ZC4H2: variants seen among roughly 807,000 people sequenced by gnomAD.
The protein encoded by ZC4H2 is zinc finger C4H2-type containing, also known as zinc finger C4H2 domain-containing protein.
For synonymous variants in ZC4H2, 84 were observed against 66.3 expected (o/e 1.27, Z -1.30); for missense variants, 137 against 173.9 (o/e 0.79, Z 1.19).
intron 1 of ZC4H2, among the ~76,000 whole-genome samples, chrX:65,026,432 C>T (rs748002628): frequency 2.0e-4 from 22 of 111,520 alleles, no homozygotes; most frequent in Non-Finnish European, 3.2e-4. Flanking sequence ...ATTTAGCGGC[C>T]GGGTGCGGTG....
intron 1 of ZC4H2, among the ~76,000 whole-genome samples, chrX:64,928,632 C>CCTT (rs753426558): frequency 0.15 from 12,108 of 83,164 alleles, 850 homozygotes; most frequent in East Asian, 0.16. Context: ...CCTGCTTTCT[C>CCTT]CTTCTTCTTC....
In ZC4H2 at chrX:64,919,003, T is replaced by C. The variant is rs765483073; in HGVS notation, c.561+39A>G. Reference sequence around the variant, plus strand: ...CTTCCACGGCCCTTCCATGGGAGGATACTTTGCTTCCTCCACAACCATTAC... The same window carrying C: ...CTTCCACGGCCCTTCCATGGGAGGACACTTTGCTTCCTCCACAACCATTAC... On this transcript the variant is annotated intron_variant, in intron 4 of 4. Coordinates refer to ENST00000374839, the MANE Select transcript of ZC4H2 (RefSeq NM_018684.4). 5 of 1,130,577 alleles carry C rather than the reference T, an allele frequency of 4.4e-6. No individual in the cohort carries two copies. The South Asian group carries it at 1.1e-4, about 25-fold the overall frequency. 93.2% of individuals were successfully genotyped at this position (1,130,577 alleles called of 1,213,427 possible). A position where few individuals can be genotyped will look rare whatever the true frequency, so the allele number is the denominator to read the frequency against.
intron 1 of ZC4H2, among the ~76,000 whole-genome samples, chrX:64,954,538 T>G (rs1337192786): frequency 1.9e-5 from 2 of 104,295 alleles, no homozygotes; most frequent in Non-Finnish European, 3.9e-5. Context: ...TTAACTATAA[T>G]CCTTTGAAGT....
intron 1 of ZC4H2, among the ~76,000 whole-genome samples, chrX:64,934,527 A>C: frequency 8.9e-6 from 1 of 112,037 alleles, no homozygotes; most frequent in Non-Finnish European, 1.9e-5. Flanking sequence ...CTGATATCAG[A>C]AAATTTGTGT....
intron 1 of ZC4H2, among the ~76,000 whole-genome samples, chrX:64,927,173 G>A (rs1419651025): frequency 1.8e-5 from 2 of 110,195 alleles, no homozygotes; most frequent in Non-Finnish European, 3.8e-5. Flanking sequence ...TGGGACACAT[G>A]TGCAGAACAT....
chrX:64,992,845 G>T (rs1295142491), intron 1 of ZC4H2, among the ~76,000 whole-genome samples: 2 of 111,687 alleles, frequency 1.8e-5, no homozygotes, highest in African/African-American at 6.5e-5. Flanking sequence ...CCTCCTGGAT[G>T]CAGACTGTGT....
chrX:64,917,735 C>A lies in ZC4H2; in HGVS notation c.*48G>T. The stretch of plus-strand genomic sequence containing the variant: ...ACATCAGGACATCAATGACTCTGGT[C>A]AAGGTGAGGGGTTATAATTAGCAAA... On this transcript the variant is annotated 3_prime_UTR_variant, in exon 5 of 5. Transcript: ENST00000374839. The A allele has an allele frequency of 8.4e-7, 1 of 1,186,584 alleles. No individual in the cohort carries two copies. The highest frequency in any genetic ancestry group is 1.9e-5 in the South Asian group (1 of 53,765).
chrX:65,034,046 G>A (rs976123089), intron 1 of ZC4H2, among the ~76,000 whole-genome samples: 2 of 101,848 alleles, frequency 2.0e-5, no homozygotes, highest in African/African-American at 3.7e-5. Context: ...CTGAGATGGC[G>A]CCACTGCACT....
At chrX:64,947,937 T>C (rs1930616822) in intron 1 of ZC4H2, among the ~76,000 whole-genome samples, 1 of 111,042 alleles carries the variant, frequency 9.0e-6, no homozygotes, top group Admixed American at 9.7e-5. Context: ...GTCTGATTCA[T>C]GAATTGTTCA....
chrX:64,979,674 GC>G (rs1258156850), upstream of ZC4H2, among the ~76,000 whole-genome samples: 3 of 111,958 alleles, frequency 2.7e-5, no homozygotes, highest in African/African-American at 9.7e-5. Flanking sequence ...CAAGGTGGTG[GC>G]TTTTCCATAG....
chrX:64,924,054 T>A (rs1929322992), intron 1 of ZC4H2, among the ~76,000 whole-genome samples: 1 of 112,034 alleles, frequency 8.9e-6, no homozygotes, highest in Admixed American at 9.5e-5. Flanking sequence ...TACGTGAAGA[T>A]AAACCTGAAC....
chrX:64,964,555 T>C (rs1171058295), intron 1 of ZC4H2, among the ~76,000 whole-genome samples: 1 of 111,549 alleles, frequency 9.0e-6, no homozygotes, highest in African/African-American at 3.3e-5. Context: ...AATATAGAAT[T>C]ATTTACCCAG....
intron 1 of ZC4H2, among the ~76,000 whole-genome samples, chrX:64,988,094 A>T (rs182925197): frequency 6.4e-4 from 70 of 109,960 alleles, no homozygotes; most frequent in African/African-American, 2.0e-3. Context: ...ATAGTATTCC[A>T]TGGTGCATAT....
intron 1 of ZC4H2, among the ~76,000 whole-genome samples, chrX:65,017,893 C>A (rs1199412378): frequency 8.9e-6 from 1 of 112,162 alleles, no homozygotes; most frequent in Non-Finnish European, 1.9e-5. Flanking sequence ...GTTTTAACTT[C>A]ATCTGTATGC....
intron 1 of ZC4H2, among the ~76,000 whole-genome samples, chrX:65,017,263 T>C (rs1483350170): frequency 8.9e-6 from 1 of 111,842 alleles, no homozygotes; most frequent in Non-Finnish European, 1.9e-5. Context: ...CTGACACTCA[T>C]CAATTATTTT....
At chrX:64,954,730 AT>A (rs1241623408) in intron 1 of ZC4H2, among the ~76,000 whole-genome samples, 2 of 109,835 alleles carry the variant, frequency 1.8e-5, no homozygotes, top group Non-Finnish European at 3.8e-5. Context: ...AATTCCTGAA[AT>A]TTTAATGAAA....
chrX:64,951,725 A>G (rs57547160), intron 1 of ZC4H2, among the ~76,000 whole-genome samples: 24,511 of 109,487 alleles, frequency 0.22, 7,220 homozygotes, highest in African/African-American at 0.8. Context: ...AGTAGGTTGC[A>G]AAAATTTTCT....
intron 1 of ZC4H2, among the ~76,000 whole-genome samples, chrX:64,971,105 G>GT (rs1931767698): frequency 1.8e-5 from 2 of 112,394 alleles, no homozygotes; most frequent in South Asian, 7.3e-4. Context: ...TTTAAAAAAG[G>GT]TTTTTTAAAA....
chrX:65,033,038 A>G (rs947405442), intron 1 of ZC4H2, among the ~76,000 whole-genome samples: 5 of 111,759 alleles, frequency 4.5e-5, no homozygotes, highest in Non-Finnish European at 9.4e-5. Flanking sequence ...CGGCCTCCCA[A>G]AGTGTTGGGA....
Sources: gnomAD v4.1 joint callset for allele counts (sites outside exome capture counted in the v4.1 genomes callset) on GRCh38, gnomAD v4.1.1 for gene constraint, MANE v1.5 for transcripts, NCBI Gene and HGNC (gene_info 2026-07-23, HGNC 2026-07-21) for gene names.